The following B4GALT5 variants were observed in gnomAD, a reference collection of about 807,000 sequenced individuals.
The protein encoded by B4GALT5 is UDP-Gal:beta-GlcNAc beta-1,4-galactosyltransferase 5.
A neutral mutation model predicts 45.0 loss-of-function variants in B4GALT5; 11 were observed. That is an observed-to-expected ratio of 0.24 (90% confidence interval 0.15 to 0.40). B4GALT5 has a LOEUF of 0.40. Ranked by LOEUF, B4GALT5 falls within the 10% of genes least tolerant of loss-of-function variation. The probability of loss-of-function intolerance (pLI) is 1.00; values close to 1 mark genes in which losing one functional copy is unlikely to be tolerated. For missense variants in B4GALT5, 337 were observed against 500.2 expected, an observed-to-expected ratio of 0.67 and a Z score of 3.11; for synonymous variants, 185 against 182.9, an observed-to-expected ratio of 1.01 and a Z score of -0.09.
At chr20:49,669,514 T>C (rs1745342827) in intron 1 of B4GALT5, among the ~76,000 whole-genome samples, 2 of 152,080 alleles carry the variant, frequency 1.3e-5, no homozygotes, top group South Asian at 4.2e-4. Context: ...CTGACCAACA[T>C]GGAGAAACAC....
chr20:49,652,030 G>A (rs1173204061), intron 2 of B4GALT5, among the ~76,000 whole-genome samples: 1 of 152,170 alleles, frequency 6.6e-6, no homozygotes, highest in African/African-American at 2.4e-5. Flanking sequence ...AGTGAGCTGA[G>A]ATGGTGCCAC....
At chr20:49,708,307 A>G (rs1385897322) in intron 1 of B4GALT5, among the ~76,000 whole-genome samples, 2 of 152,190 alleles carry the variant, frequency 1.3e-5, no homozygotes, top group Non-Finnish European at 2.9e-5. Flanking sequence ...TAGAATGTAA[A>G]TGAATTATCA....
At chr20:49,647,144 G>GCCTA (rs753907100) in intron 2 of B4GALT5, 66 bp from the exon 3 acceptor site, 4 of 926,646 alleles carry the variant, frequency 4.3e-6, no homozygotes, top group Non-Finnish European at 6.8e-6. Flanking sequence ...ATTATCAGAT[G>GCCTA]CCTACCAAGT....
intron 5 of B4GALT5, among the ~76,000 whole-genome samples, chr20:49,642,157 C>T (rs1454210043): frequency 1.3e-5 from 2 of 152,168 alleles, no homozygotes; most frequent in African/African-American, 2.4e-5. Flanking sequence ...CTGTACCTTG[C>T]TGCAGCTCTT....
chr20:49,694,452 G>A (rs2085829351), intron 1 of B4GALT5, among the ~76,000 whole-genome samples: 1 of 152,068 alleles, frequency 6.6e-6, no homozygotes, highest in Non-Finnish European at 1.5e-5. Flanking sequence ...AGGAATTTGA[G>A]ACCAGCCTAA....
Position 49,683,476 on chromosome 20 carries a change from C to T in B4GALT5, c.116-26774G>A, listed in dbSNP as rs145272072. Among the ~76,000 whole-genome samples the T allele has an allele frequency of 8.2e-3, 1,226 of 149,424 alleles. 8 individuals are homozygous for T. Among genetic ancestry groups the T allele is most frequent in the Non-Finnish European group, 0.012 (794 of 67,696 alleles). Reference sequence around the variant, plus strand: ...TGGTGCAATCTCGGCTCACTACAACCTCCGCCTCCTGGGTTCAAGCGATTC... The same window carrying T: ...TGGTGCAATCTCGGCTCACTACAACTTCCGCCTCCTGGGTTCAAGCGATTC... On this transcript the variant is annotated intron_variant, in intron 1 of 8. Coordinates refer to ENST00000371711, the MANE Select transcript of B4GALT5 (RefSeq NM_004776.4).
intron 1 of B4GALT5, among the ~76,000 whole-genome samples, chr20:49,694,164 T>G (rs981492850): frequency 6.6e-6 from 1 of 152,262 alleles, no homozygotes; most frequent in Non-Finnish European, 1.5e-5. Context: ...AGAAAGAAGT[T>G]AGAAAAAGTA....
chr20:49,681,969 G>A (rs751531409), intron 1 of B4GALT5, among the ~76,000 whole-genome samples: 4 of 152,120 alleles, frequency 2.6e-5, no homozygotes, highest in African/African-American at 4.8e-5. Flanking sequence ...GGTGGCTTGC[G>A]CCTGTAGTCC....
At chr20:49,667,224 T>A (rs2085694652) in intron 1 of B4GALT5, among the ~76,000 whole-genome samples, 2 of 146,996 alleles carry the variant, frequency 1.4e-5, no homozygotes, top group Admixed American at 7.1e-5. Context: ...TTGGATCTTT[T>A]TGAAGTGTTT....
At chr20:49,679,148 A>T (rs902465481) in intron 1 of B4GALT5, among the ~76,000 whole-genome samples, 1 of 152,184 alleles carries the variant, frequency 6.6e-6, no homozygotes, top group Non-Finnish European at 1.5e-5. Context: ...AGATTATGGG[A>T]AATGGCCTAA....
At chr20:49,704,435 T>C (rs576699882) in intron 1 of B4GALT5, among the ~76,000 whole-genome samples, 1 of 152,148 alleles carries the variant, frequency 6.6e-6, no homozygotes, top group Non-Finnish European at 1.5e-5. Flanking sequence ...AACACAACAT[T>C]GCGGCCGGGC....
At chr20:49,676,200 A>AGT (rs71759377) in intron 1 of B4GALT5, among the ~76,000 whole-genome samples, 358 of 151,578 alleles carry the variant, frequency 2.4e-3, no homozygotes, top group African/African-American at 6.2e-3. Context: ...AGAGAGAGAG[A>AGT]GTGTGTGTGT....
intron 1 of B4GALT5, among the ~76,000 whole-genome samples, chr20:49,698,087 A>C (rs1255502089): frequency 1.3e-5 from 2 of 152,146 alleles, no homozygotes; most frequent in Admixed American, 6.6e-5. Context: ...CTCGAGAGGC[A>C]GAGGCAGGCA....
chr20:49,638,097 C>A (rs889312088), intron 7 of B4GALT5, among the ~76,000 whole-genome samples: 1 of 151,888 alleles, frequency 6.6e-6, no homozygotes, highest in Non-Finnish European at 1.5e-5. Context: ...TGGTTCAGTG[C>A]AGCCTCAATC....
intron 1 of B4GALT5, among the ~76,000 whole-genome samples, chr20:49,695,542 G>A (rs2085836093): frequency 6.6e-6 from 1 of 151,992 alleles, no homozygotes; most frequent in African/African-American, 2.4e-5. Context: ...CTCCCGAGTA[G>A]CTGGGATTAC....
chr20:49,675,503 A>C (rs966058196), intron 1 of B4GALT5, among the ~76,000 whole-genome samples: 1 of 152,022 alleles, frequency 6.6e-6, no homozygotes, highest in South Asian at 2.1e-4. Context: ...CACCACGCCC[A>C]ACAACAAGGC....
At position 49,637,397 on chromosome 20, in the gene B4GALT5, T is replaced by C; in HGVS notation, c.963A>G (p.Thr321=). 1 of 1,614,174 alleles carries C rather than the reference T, an allele frequency of 6.2e-7. No individual in the cohort carries two copies. The highest frequency in any genetic ancestry group is 8.5e-7 in the Non-Finnish European group (1 of 1,180,034). ...GYSVSRPEGD[T]GKYKSIPHHH... ...GATGAGGAATGGACTTGTACTTTCCTGTGTCACCCTCTGGCCGGCTCACAG... is the reference window on the plus strand; with the variant it reads ...GATGAGGAATGGACTTGTACTTTCCCGTGTCACCCTCTGGCCGGCTCACAG... The change falls in exon 8 of 9, where the codon ACA becomes ACG. Residue 321 remains threonine, a synonymous_variant. Coordinates refer to ENST00000371711, the MANE Select transcript of B4GALT5 (RefSeq NM_004776.4).
chr20:49,650,032 A>C (rs1184445857), intron 2 of B4GALT5, among the ~76,000 whole-genome samples: 1 of 152,224 alleles, frequency 6.6e-6, no homozygotes, highest in Non-Finnish European at 1.5e-5. Context: ...CCTAATCAGG[A>C]AACTAGAATT....
At chr20:49,690,349 G>C (rs796985238) in intron 1 of B4GALT5, among the ~76,000 whole-genome samples, 13 of 152,226 alleles carry the variant, frequency 8.5e-5, no homozygotes, top group African/African-American at 3.1e-4. Context: ...CAATCTTCAA[G>C]TCTCTGGTGT....
Sources: allele counts gnomAD v4.1 joint callset (sites outside exome capture counted in the v4.1 genomes callset), GRCh38; gene constraint gnomAD v4.1.1; transcripts MANE v1.5; gene names NCBI Gene and HGNC (gene_info 2026-07-23, HGNC 2026-07-21).